The following TMC1 variants were observed in gnomAD, a reference collection of about 807,000 sequenced individuals.
TMC1 encodes the protein transmembrane channel-like protein 1.
In TMC1, 84 loss-of-function variants were observed where a neutral mutation model predicts 105.8. The ratio of observed to expected loss-of-function variants is 0.79; its 90% CI spans 0.67 to 0.95. The LOEUF (loss-of-function observed/expected upper bound fraction) is 0.95, where lower values mean the gene tolerates loss of function less well. Among genes scored for constraint, TMC1 ranks in the 40% least tolerant of loss-of-function variants. TMC1 has a pLI of 0.00. For synonymous variants in TMC1, 315 were observed against 311.5 expected (o/e 1.01, Z -0.12); for missense variants, 817 against 914.1 (o/e 0.89, Z 1.37).
intron 13 of TMC1, among the ~76,000 whole-genome samples, chr9:72,775,441 A>C (rs921844147): frequency 4.6e-5 from 7 of 152,200 alleles, no homozygotes; most frequent in Non-Finnish European, 8.8e-5. Context: ...GAAGTTTTAT[A>C]TCATAAAATA....
intron 4 of TMC1, among the ~76,000 whole-genome samples, chr9:72,636,147 A>T (rs1018436701): frequency 1.3e-5 from 2 of 152,144 alleles, no homozygotes; most frequent in Non-Finnish European, 2.9e-5. Context: ...GAGGATGGAG[A>T]CTTTCTAAGT....
At position 72,761,879 on chromosome 9, in the gene TMC1, G is replaced by A. The variant is rs141574362; in HGVS notation, c.741+6995G>A. ...AGGAGATATTTTGTGATTCACACGT[G>A]GAATAACACATCTTTTGTTTTAGAA... On this transcript the variant is annotated intron_variant, in intron 12 of 23. Transcript: ENST00000297784. Among the ~76,000 whole-genome samples, 138 of 152,214 alleles carry A rather than the reference G, an allele frequency of 9.1e-4. 1 individual carries two copies. The highest frequency in any genetic ancestry group is 3.3e-3 in the African/African-American group (135 of 41,522).
At chr9:72,611,425 C>T (rs564296949) in intron 2 of TMC1, among the ~76,000 whole-genome samples, 4 of 152,278 alleles carry the variant, frequency 2.6e-5, no homozygotes, top group African/African-American at 4.8e-5. Flanking sequence ...TCGGATTTTA[C>T]GATTAGGATA....
intron 10 of TMC1, among the ~76,000 whole-genome samples, chr9:72,742,727 C>T (rs1827411647): frequency 6.6e-6 from 1 of 152,178 alleles, no homozygotes. Flanking sequence ...AAGGACAATA[C>T]TGGGGACCCC....
At chr9:72,792,492 T>A (rs1828289504) in intron 17 of TMC1, 140 bp downstream of exon 17, 5 of 1,015,572 alleles carry the variant, frequency 4.9e-6, no homozygotes, top group Non-Finnish European at 7.6e-6. Context: ...GTGTGCTGGC[T>A]CTGAATTTCA....
chr9:72,539,326 A>T (rs1367304147), intron 1 of TMC1, among the ~76,000 whole-genome samples: 1 of 152,088 alleles, frequency 6.6e-6, no homozygotes, highest in Non-Finnish European at 1.5e-5. Context: ...GAATGACCTC[A>T]GCCTAGGAGA....
In TMC1 at chr9:72,694,579, G is replaced by A. The variant is rs753977925; in HGVS notation, c.101G>A (p.Arg34Gln). The A allele has an allele frequency of 8.7e-6, 14 of 1,612,842 alleles. No homozygotes were observed. The highest frequency in any genetic ancestry group is 4.5e-5 in the East Asian group (2 of 44,706). The change falls in exon 7 of 24, where the codon CGA (arginine) becomes CAA (glutamine). Residue 34 changes from arginine to glutamine, a missense_variant. Transcript: ENST00000297784. ...EEEEVEDKLP[R>Q]RESLRPKRKR... ...GAGGAGGTGGAAGATAAGCTACCTC[G>A]AAGAGAGAGCTTGAGACCAAAGAGG...
In TMC1 at chr9:72,826,950, G is replaced by T. The variant is rs756948278; in HGVS notation, c.2085G>T (p.Gln695His). ...GCTGGATGGCGAAGATCTTGAGACA[G>T]CTTTCAAACCCTGGGCTGGTCATTG... ...FPSWMAKILRQLSNPGLVIAV... is the reference protein window; with the variant it reads ...FPSWMAKILRHLSNPGLVIAV... The change falls in exon 21 of 24, where the codon CAG (glutamine) becomes CAT (histidine). Residue 695 changes from glutamine (Q) to histidine (H), a missense_variant. Coordinates refer to ENST00000297784, the MANE Select transcript of TMC1 (RefSeq NM_138691.3). The T allele has an allele frequency of 6.2e-7, 1 of 1,614,096 alleles. No homozygotes were observed. The highest frequency in any genetic ancestry group is 8.5e-7 in the Non-Finnish European group (1 of 1,179,948).
At chr9:72,776,380 A>G (rs1410663453) in intron 13 of TMC1, among the ~76,000 whole-genome samples, 2 of 152,182 alleles carry the variant, frequency 1.3e-5, no homozygotes, top group South Asian at 2.1e-4. Flanking sequence ...ATTATAAATT[A>G]TACTTGAAAT....
chr9:72,782,649 A>C (rs1262237946), intron 13 of TMC1, among the ~76,000 whole-genome samples: 1 of 152,152 alleles, frequency 6.6e-6, no homozygotes, highest in Non-Finnish European at 1.5e-5. Flanking sequence ...TCTATACAGC[A>C]ATATTGTCCA....
chr9:72,594,512 G>A (rs531097644), intron 2 of TMC1, among the ~76,000 whole-genome samples: 17 of 152,208 alleles, frequency 1.1e-4, no homozygotes, highest in Non-Finnish European at 1.6e-4. Flanking sequence ...AGCCCTTTCC[G>A]GCATCTGCTG....
chr9:72,580,120 AAC>A (rs1824451665), intron 2 of TMC1, among the ~76,000 whole-genome samples: 1 of 152,144 alleles, frequency 6.6e-6, no homozygotes, highest in Non-Finnish European at 1.5e-5. Context: ...TCTTGGTAGA[AAC>A]ACAAATACTT....
Position 72,584,513 on chromosome 9 carries a change from C to A in TMC1, c.-306+6490C>A, listed in dbSNP as rs192760230. On this transcript the variant is annotated intron_variant, in intron 2 of 23. Transcript: ENST00000297784. ...AACTCCTGAGCTCAAGTGATCTGCC[C>A]ACCTTGGCCTCCCAAGGTGTTGAGA... 9.9e-5 allele frequency among the ~76,000 whole-genome samples: 15 copies of A among 152,032 alleles called. No individual in the cohort carries two copies. In the East Asian group the frequency reaches 2.9e-3, roughly 30 times the overall value.
chr9:72,789,292 C>G lies in TMC1; in HGVS notation c.1199C>G (p.Thr400Ser), dbSNP rs765865619. 32 of 1,613,856 alleles carry G rather than the reference C, an allele frequency of 2.0e-5. No homozygotes were observed. The highest frequency in any genetic ancestry group is 2.6e-5 in the Non-Finnish European group (31 of 1,179,910). Reference protein sequence around the residue: ...SQEFAQQDPDTLGWWEKNEMN... With the variant: ...SQEFAQQDPDSLGWWEKNEMN... ...GAATTTGCACAGCAAGATCCTGACACCCTTGGGTGGTGGGAAAAAAATGAA... is the reference window on the plus strand; with the variant it reads ...GAATTTGCACAGCAAGATCCTGACAGCCTTGGGTGGTGGGAAAAAAATGAA... The change falls in exon 15 of 24, where the codon ACC becomes AGC. Residue 400 changes from threonine (T) to serine (S), a missense_variant. Coordinates refer to ENST00000297784, the MANE Select transcript of TMC1 (RefSeq NM_138691.3).
intron 4 of TMC1, among the ~76,000 whole-genome samples, chr9:72,640,821 C>T (rs903296246): frequency 3.3e-5 from 5 of 151,904 alleles, no homozygotes; most frequent in Admixed American, 2.0e-4. Context: ...TTAGTAGAGA[C>T]AGGGTTTCAC....
At chr9:72,810,931 C>A (rs1318619042) in intron 18 of TMC1, among the ~76,000 whole-genome samples, 1 of 152,100 alleles carries the variant, frequency 6.6e-6, no homozygotes, top group Non-Finnish European at 1.5e-5. Flanking sequence ...TTGAATTGCT[C>A]AGTCACAGTA....
intron 3 of TMC1, among the ~76,000 whole-genome samples, chr9:72,618,831 GC>G (rs1825190869): frequency 6.6e-6 from 1 of 152,032 alleles, no homozygotes; most frequent in Admixed American, 6.6e-5. Flanking sequence ...AATTAAAGAA[GC>G]CAGTAAAAAT....
intron 6 of TMC1, among the ~76,000 whole-genome samples, chr9:72,692,439 C>T (rs566741504): frequency 2.2e-4 from 34 of 152,110 alleles, no homozygotes; most frequent in Admixed American, 4.6e-4. Context: ...AACTAGTTTC[C>T]GAATTTCTCA....
At chr9:72,698,910 A>G (rs893967058) in intron 7 of TMC1, among the ~76,000 whole-genome samples, 1 of 152,144 alleles carries the variant, frequency 6.6e-6, no homozygotes, top group Non-Finnish European at 1.5e-5. Flanking sequence ...AAGAGATGCT[A>G]AGGAGGAAGT....
Sources: gnomAD v4.1 joint callset for allele counts (sites outside exome capture counted in the v4.1 genomes callset) on GRCh38, gnomAD v4.1.1 for gene constraint, MANE v1.5 for transcripts, NCBI Gene and HGNC (gene_info 2026-07-23, HGNC 2026-07-21) for gene names.